The following ZBTB20 variants were observed in gnomAD, a reference collection of about 807,000 sequenced individuals.
ZBTB20 encodes zinc finger and BTB domain containing 20.
Under a neutral mutation model 56.9 loss-of-function variants are expected in ZBTB20, and 9 were observed. The ratio of observed to expected loss-of-function variants is 0.16; its 90% confidence interval spans 0.10 to 0.28. The LOEUF is 0.28. ZBTB20 is among the 10% of genes least tolerant of loss of function. The pLI, the probability that ZBTB20 is intolerant of heterozygous loss-of-function variation, is 1.00. For missense variants in ZBTB20, 655 were observed against 1,003.0 expected (o/e 0.65, Z 4.69); for synonymous variants, 417 against 420.7 (o/e 0.99, Z 0.11).
At chr3:115,060,953 C>G (rs78331232) in intron 2 of ZBTB20, among the ~76,000 whole-genome samples, 62 of 152,000 alleles carry the variant, frequency 4.1e-4, no homozygotes, top group Non-Finnish European at 6.3e-4. Flanking sequence ...AGAGAATTCA[C>G]CTTTATTTCA....
chr3:114,971,205 T>C (rs1417334355), intron 3 of ZBTB20, among the ~76,000 whole-genome samples: 1 of 152,222 alleles, frequency 6.6e-6, no homozygotes, highest in Non-Finnish European at 1.5e-5. Context: ...ATTCAGATTA[T>C]TCAAAGTGTA....
intron 2 of ZBTB20, among the ~76,000 whole-genome samples, chr3:114,983,092 T>TTATA (rs2108098408): frequency 6.6e-6 from 1 of 152,128 alleles, no homozygotes; most frequent in East Asian, 1.9e-4. Flanking sequence ...TCTAGTTCCA[T>TTATA]TATATATCCT....
intron 2 of ZBTB20, among the ~76,000 whole-genome samples, chr3:115,050,990 C>T (rs1171819043): frequency 6.6e-6 from 1 of 151,992 alleles, no homozygotes; most frequent in Admixed American, 6.6e-5. Flanking sequence ...TCTTCAATTT[C>T]AGGTATAAGC....
At chr3:114,908,116 T>C (rs1000187060) in intron 3 of ZBTB20, among the ~76,000 whole-genome samples, 2 of 151,932 alleles carry the variant, frequency 1.3e-5, no homozygotes, top group East Asian at 1.9e-4. Context: ...TGCCAGGCTA[T>C]ATTCAGATAG....
In ZBTB20 at chr3:114,601,458, C is replaced by T. The variant is rs143683693; in HGVS notation, c.-295+92070G>A. On this transcript the variant is annotated intron_variant, in intron 6 of 11. Coordinates refer to ENST00000675478, the MANE Select transcript of ZBTB20 (RefSeq NM_001348800.3). ...CACTGTTTGCCCATATTCCCATATC[C>T]GTCCTTTATTTCTCAGCTTATATCT... Among the ~76,000 whole-genome samples the T allele has an allele frequency of 9.3e-3, 1,407 of 152,044 alleles. 27 individuals carry two copies. Among genetic ancestry groups the T allele is most frequent in the African/African-American group, 0.031 (1,282 of 41,516 alleles).
rs533074171 is a variant in ZBTB20 at position 114,339,933 on chromosome 3, T to C, written c.1805-507A>G. ...CCTTGGGGTAAGTCCCCACTTCTAGTAGTCTAAGAAATACACCTATGTGTT... is the reference window on the plus strand; with the variant it reads ...CCTTGGGGTAAGTCCCCACTTCTAGCAGTCTAAGAAATACACCTATGTGTT... On this transcript the variant is annotated intron_variant, in intron 11 of 11. Transcript: ENST00000675478. This position sits in a 1 kb window ranked among gnomAD's most constrained non-coding sequence, Gnocchi z 4.2. 2.0e-5 allele frequency among the ~76,000 whole-genome samples: 3 copies of C among 152,226 alleles called. No individual in the cohort carries two copies. The highest frequency in any genetic ancestry group is 4.4e-5 in the Non-Finnish European group (3 of 68,040).
intron 5 of ZBTB20, among the ~76,000 whole-genome samples, chr3:114,698,384 T>G (rs528863974): frequency 7.9e-5 from 12 of 152,186 alleles, no homozygotes; most frequent in African/African-American, 2.9e-4. Flanking sequence ...TTTAAATAAT[T>G]TCTTATGTCT....
chr3:114,844,520 C>CAAAAAAAAAAAAAAAAAAAAAAA (rs71146342), intron 4 of ZBTB20, among the ~76,000 whole-genome samples: 1 of 22,810 alleles, frequency 4.4e-5, no homozygotes, highest in African/African-American at 2.5e-4. Context: ...GTCCCTGTCT[C>CAAAAAAAAAAAAAAAAAAAAAAA]AAAAAAAAAA....
chr3:114,781,217 T>G (rs1161008702), intron 5 of ZBTB20, among the ~76,000 whole-genome samples: 1 of 152,144 alleles, frequency 6.6e-6, no homozygotes, highest in Non-Finnish European at 1.5e-5. Context: ...TGGGCAAATT[T>G]TTTCTCTCTG....
intron 4 of ZBTB20, among the ~76,000 whole-genome samples, chr3:114,839,321 C>T (rs1333088389): frequency 4.0e-5 from 6 of 151,564 alleles, no homozygotes; most frequent in East Asian, 1.9e-4. Context: ...GGATCACTTG[C>T]GTGCAGGAGG....
chr3:114,647,027 T>C (rs537730363), intron 6 of ZBTB20, among the ~76,000 whole-genome samples: 2 of 152,156 alleles, frequency 1.3e-5, no homozygotes, highest in East Asian at 1.9e-4. Flanking sequence ...GGCGCGATCT[T>C]GGCTAACTGC....
intron 3 of ZBTB20, among the ~76,000 whole-genome samples, chr3:114,961,227 C>T (rs2077440298): frequency 6.7e-6 from 1 of 149,890 alleles, no homozygotes; most frequent in Non-Finnish European, 1.5e-5. Context: ...AACCATAATT[C>T]CTAGTCAAAT....
chr3:114,773,089 T>C (rs557216989), intron 5 of ZBTB20, among the ~76,000 whole-genome samples: 2 of 152,322 alleles, frequency 1.3e-5, no homozygotes, highest in South Asian at 2.1e-4. Context: ...TCCCAGCTGA[T>C]AGCAAGGAAA....
rs528441031 is a variant in ZBTB20 at position 114,619,485 on chromosome 3, A to G, written c.-295+74043T>C. ...AAGATTAAAGCATGTTTTATTATAC[A>G]CAATATTTTGGGTTTTTTTTTTAAA... On this transcript the variant is annotated intron_variant, in intron 6 of 11. Coordinates refer to ENST00000675478, the MANE Select transcript of ZBTB20 (RefSeq NM_001348800.3). 3.9e-5 allele frequency among the ~76,000 whole-genome samples: 6 copies of G among 152,240 alleles called. No individual in the cohort carries two copies. In the South Asian group the frequency reaches 1.2e-3, roughly 32 times the overall value.
intron 2 of ZBTB20, among the ~76,000 whole-genome samples, chr3:114,994,164 T>A (rs2078935537): frequency 6.6e-6 from 1 of 151,798 alleles, no homozygotes; most frequent in Non-Finnish European, 1.5e-5. Flanking sequence ...AACCTGAGAA[T>A]ATACTAAACA....
At chr3:114,631,074 C>G (rs1195201784) in intron 6 of ZBTB20, among the ~76,000 whole-genome samples, 2 of 152,010 alleles carry the variant, frequency 1.3e-5, no homozygotes, top group Non-Finnish European at 2.9e-5. Context: ...TGTACATAAC[C>G]TTTTCCCCCA....
intron 4 of ZBTB20, among the ~76,000 whole-genome samples, chr3:114,810,180 G>A (rs1000573267): frequency 2.0e-5 from 3 of 152,090 alleles, no homozygotes; most frequent in African/African-American, 4.8e-5. Context: ...TCTTCTCTCT[G>A]TGTGTCCAAA....
At chr3:114,436,677 C>A (rs1279290871) in intron 7 of ZBTB20, among the ~76,000 whole-genome samples, 1 of 152,096 alleles carries the variant, frequency 6.6e-6, no homozygotes, top group Non-Finnish European at 1.5e-5. Context: ...GGGTTTTATT[C>A]ACTATGTAAA....
intron 7 of ZBTB20, among the ~76,000 whole-genome samples, chr3:114,470,140 C>T (rs555590821): frequency 2.0e-5 from 3 of 152,182 alleles, no homozygotes; most frequent in East Asian, 3.9e-4. Flanking sequence ...TGGTATCTCT[C>T]CATAAAATGT....
Sources: gnomAD v4.1 joint callset for allele counts (sites outside exome capture counted in the v4.1 genomes callset) on GRCh38, gnomAD v4.1.1 for gene constraint, Gnocchi (gnomAD v3.1) non-coding constraint, MANE v1.5 for transcripts, NCBI Gene and HGNC (gene_info 2026-07-23, HGNC 2026-07-21) for gene names.